ENTREP2: variants seen among roughly 807,000 people sequenced by gnomAD.
The protein encoded by ENTREP2 is endosomal transmembrane epsin interactor 2, also known as protein ENTREP2.
the ENTREP2 span, among the ~76,000 whole-genome samples, chr15:29,559,185 C>A: frequency 6.6e-6 from 1 of 152,118 alleles, no homozygotes; most frequent in South Asian, 2.1e-4. Flanking sequence ...AGTAAGCACT[C>A]ATTAGTTCTT....
the ENTREP2 span, among the ~76,000 whole-genome samples, chr15:29,135,122 G>A: frequency 6.0e-5 from 8 of 134,110 alleles, no homozygotes; most frequent in East Asian, 2.0e-4. This position sits in a 1 kb window ranked among gnomAD's most constrained non-coding sequence, Gnocchi z 7.4. Flanking sequence ...CCCTACCCCC[G>A]CCCCTCCCTG....
chr15:29,288,852 T>C, the ENTREP2 span, among the ~76,000 whole-genome samples: 3 of 152,284 alleles, frequency 2.0e-5, no homozygotes, highest in East Asian at 1.9e-4. Context: ...TATATGTATA[T>C]ATCCGCCCAA....
At chr15:29,434,185 CAAAGGGATCATG>C in the ENTREP2 span, among the ~76,000 whole-genome samples, 2 of 152,156 alleles carry the variant, frequency 1.3e-5, no homozygotes. Context: ...TGCAATCTTT[CAAAGGGATCATG>C]GGGCTTCCCT....
chr15:29,170,780 C>G, the ENTREP2 span, among the ~76,000 whole-genome samples: 1 of 152,238 alleles, frequency 6.6e-6, no homozygotes, highest in African/African-American at 2.4e-5. Flanking sequence ...GACTTCTAGC[C>G]TCCTGACTGT....
the ENTREP2 span, among the ~76,000 whole-genome samples, chr15:29,560,256 T>G: frequency 6.6e-6 from 1 of 152,134 alleles, no homozygotes; most frequent in African/African-American, 2.4e-5. Flanking sequence ...CAGAAGACAC[T>G]TATTTGGAGG....
chr15:29,295,742 C>T, the ENTREP2 span, among the ~76,000 whole-genome samples: 2 of 152,246 alleles, frequency 1.3e-5, no homozygotes, highest in Admixed American at 6.5e-5. Context: ...TACTAAGTGA[C>T]GGCCACGTGG....
chr15:29,147,153 G>A, the ENTREP2 span, among the ~76,000 whole-genome samples: 1 of 152,150 alleles, frequency 6.6e-6, no homozygotes, highest in Non-Finnish European at 1.5e-5. Flanking sequence ...TCTGATAAGG[G>A]GGTTGTGCCT....
the ENTREP2 span, among the ~76,000 whole-genome samples, chr15:29,670,468 G>C: frequency 6.6e-6 from 1 of 152,202 alleles, no homozygotes; most frequent in Non-Finnish European, 1.5e-5. Context: ...TGTGAACACA[G>C]GCCAGCCTTG....
chr15:29,200,693 G>A, the ENTREP2 span, among the ~76,000 whole-genome samples: 1 of 151,790 alleles, frequency 6.6e-6, no homozygotes, highest in African/African-American at 2.4e-5. Context: ...TGAGTAGCTG[G>A]GATTACAGGT....
chr15:29,155,039 T>C, the ENTREP2 span, among the ~76,000 whole-genome samples: 803 of 152,026 alleles, frequency 5.3e-3, 5 homozygotes, highest in African/African-American at 0.018. Context: ...TCCCAGCACT[T>C]TGGGAGGCCA....
At chr15:29,159,448 G>A in the ENTREP2 span, among the ~76,000 whole-genome samples, 1 of 152,164 alleles carries the variant, frequency 6.6e-6, no homozygotes, top group Non-Finnish European at 1.5e-5. Context: ...ACAGGGCCGG[G>A]TTGCTACTGC....
At chr15:29,136,529 A>G in the ENTREP2 span, 2 of 1,543,772 alleles carry the variant, frequency 1.3e-6, no homozygotes, top group East Asian at 2.5e-5. Context: ...TCACATCGTC[A>G]TTGCCCGAAG....
the ENTREP2 span, among the ~76,000 whole-genome samples, chr15:29,547,456 T>C: frequency 6.6e-6 from 1 of 152,258 alleles, no homozygotes; most frequent in African/African-American, 2.4e-5. Context: ...AAATATAAAA[T>C]GGTCAACAAG....
chr15:29,138,581 A>ATGTGCATATGTTATGTG, the ENTREP2 span, among the ~76,000 whole-genome samples: 24 of 151,726 alleles, frequency 1.6e-4, no homozygotes, highest in Admixed American at 7.9e-4. Flanking sequence ...GTGCATGTGC[A>ATGTGCATATGTTATGTG]TGTGTCTGTG....
At chr15:29,292,801 G>C in the ENTREP2 span, among the ~76,000 whole-genome samples, 735 of 152,338 alleles carry the variant, frequency 4.8e-3, 4 homozygotes, top group South Asian at 0.011. Flanking sequence ...TTTAAAAGGA[G>C]AGGGCTAGAG....
chr15:29,351,451 CA>C, the ENTREP2 span, among the ~76,000 whole-genome samples: 6 of 152,002 alleles, frequency 3.9e-5, no homozygotes, highest in Admixed American at 2.6e-4. Context: ...TCAATAATAA[CA>C]GGAGGAGTGA....
the ENTREP2 span, among the ~76,000 whole-genome samples, chr15:29,352,628 T>A: frequency 6.6e-6 from 1 of 152,126 alleles, no homozygotes; most frequent in Non-Finnish European, 1.5e-5. Flanking sequence ...AACTCACTCA[T>A]CATGCAGACA....
At chr15:29,188,711 G>A in the ENTREP2 span, among the ~76,000 whole-genome samples, 8 of 152,130 alleles carry the variant, frequency 5.3e-5, no homozygotes, top group Non-Finnish European at 7.4e-5. Flanking sequence ...CTAATGAAGC[G>A]ACTCTTGATG....
At chr15:29,146,756 T>C in the ENTREP2 span, among the ~76,000 whole-genome samples, 1 of 152,086 alleles carries the variant, frequency 6.6e-6, no homozygotes, top group East Asian at 1.9e-4. Flanking sequence ...GCCAACGTGG[T>C]GAAACCCCGT....
Sources: gnomAD v4.1 joint callset for allele counts (sites outside exome capture counted in the v4.1 genomes callset) on GRCh38, gnomAD v4.1.1 for gene constraint, Gnocchi (gnomAD v3.1) non-coding constraint, MANE v1.5 for transcripts, NCBI Gene and HGNC (gene_info 2026-07-23, HGNC 2026-07-21) for gene names.